RAB17: variants seen among roughly 807,000 people sequenced by gnomAD.
The protein encoded by RAB17 is ras-related protein Rab-17.
A neutral mutation model predicts 19.3 loss-of-function variants in RAB17; 15 were observed. The observed-to-expected ratio is 0.78, with a 90% CI of 0.52 to 1.20. The LOEUF (loss-of-function observed/expected upper bound fraction) is 1.20. Ranked by LOEUF, RAB17 falls within the 50% of genes most tolerant of loss-of-function variation. RAB17 has a pLI of 0.00. For missense variants in RAB17, 262 were observed against 269.3 expected, an observed-to-expected ratio of 0.97 and a Z score of 0.19; for synonymous variants, 110 against 112.8, an observed-to-expected ratio of 0.97 and a Z score of 0.16.
At chr2:237,575,195 ACCAGCCACC>A in intron 5 of RAB17, 67 bp from the exon 6 acceptor site, 1 of 1,359,718 alleles carries the variant, frequency 7.4e-7, no homozygotes, top group South Asian at 1.3e-5. Flanking sequence ...AGCCCTGCAG[ACCAGCCACC>A]CCAGGACCCG....
Position 237,578,110 on chromosome 2 carries a change from T to C in RAB17, c.203A>G (p.Lys68Arg). 1 of 1,613,676 alleles carries C rather than the reference T, an allele frequency of 6.2e-7. No homozygotes were observed. The highest frequency in any genetic ancestry group is 8.5e-7 in the Non-Finnish European group (1 of 1,179,620). Reference sequence around the variant, plus strand: ...GCCAGCTGTGTCCCAGATCTCAAGCTTCAGAGAGGTGGCACCCACATCCAC... The same window carrying C: ...GCCAGCTGTGTCCCAGATCTCAAGCCTCAGAGAGGTGGCACCCACATCCAC... Reference protein sequence around the residue: ...KVVDVGATSLKLEIWDTAGQE... With the variant: ...KVVDVGATSLRLEIWDTAGQE... The change falls in exon 3 of 6, where the codon AAG (lysine) becomes AGG (arginine). Residue 68 changes from lysine (K) to arginine (R), a missense_variant. Lys to Arg is a conservative substitution (Grantham distance 26, BLOSUM62 2). Coordinates refer to ENST00000264601, the MANE Select transcript of RAB17 (RefSeq NM_022449.4).
intron 2 of RAB17, among the ~76,000 whole-genome samples, chr2:237,582,097 G>A (rs972943176): frequency 2.7e-5 from 4 of 150,296 alleles, no homozygotes; most frequent in African/African-American, 7.3e-5. Flanking sequence ...CCCGTCCCTC[G>A]GACTCCCGTC....
chr2:237,584,791 T>G (rs2081335518), intron 2 of RAB17, among the ~76,000 whole-genome samples: 1 of 152,140 alleles, frequency 6.6e-6, no homozygotes, highest in African/African-American at 2.4e-5. Context: ...AGCCTTGGCA[T>G]TTTGATGTAT....
At chr2:237,578,911 A>T in intron 2 of RAB17, 1 of 123,368 alleles carries the variant, frequency 8.1e-6, no homozygotes, top group Non-Finnish European at 1.8e-5. Flanking sequence ...ACACACACAC[A>T]CACACACACA....
At position 237,588,880 on chromosome 2, in the gene RAB17, C is replaced by T. The variant is rs567229105; in HGVS notation, c.-4+1587G>A. On this transcript the variant is annotated intron_variant, in intron 1 of 5. Transcript: ENST00000264601. ...GAATGCACCATGACCACTGGGATGC[C>T]GGCGTCTCATTCCTTTGACAATGAT... 4.6e-5 allele frequency among the ~76,000 whole-genome samples: 7 copies of T among 152,274 alleles called. No homozygotes were observed. In the East Asian group the frequency reaches 5.8e-4, roughly 13 times the overall value.
intron 3 of RAB17, 115 bp downstream of exon 3, chr2:237,577,889 G>C: frequency 8.3e-7 from 1 of 1,209,486 alleles, no homozygotes; most frequent in African/African-American, 1.5e-5. Context: ...GGTGACTGTT[G>C]CTCACTAATG....
chr2:237,585,802 G>T (rs1192771110), intron 2 of RAB17, among the ~76,000 whole-genome samples, 196 bp downstream of exon 2: 1 of 152,190 alleles, frequency 6.6e-6, no homozygotes, highest in Admixed American at 6.5e-5. Flanking sequence ...AGAGCCAAGG[G>T]CATTTCCTGT....
In RAB17 at chr2:237,575,057, T is replaced by G. The variant is rs1460028707; in HGVS notation, c.601A>C (p.Lys201Gln). 12 of 1,613,688 alleles carry G rather than the reference T, an allele frequency of 7.4e-6. No individual in the cohort carries two copies. The highest frequency in any genetic ancestry group is 1.0e-5 in the Non-Finnish European group (12 of 1,179,832). Residue 201 changes from lysine to glutamine, a missense_variant, in exon 6 of 6, where the codon AAG becomes CAG. By Grantham distance (53) the Lys-to-Gln change is moderately conservative. Coordinates refer to ENST00000264601, the MANE Select transcript of RAB17 (RefSeq NM_022449.4). Reference sequence around the variant, plus strand: ...CATTTGGCCTGCCTCGCGGGCCCCTTGTTCAGAGCCACAGCTGCATCCCCC... The same window carrying G: ...CATTTGGCCTGCCTCGCGGGCCCCTGGTTCAGAGCCACAGCTGCATCCCCC... ...LRGDAAVALN[K>Q]GPARQAKCCA... is the part of the protein sequence containing the mutation.
intron 2 of RAB17, among the ~76,000 whole-genome samples, chr2:237,583,158 CA>C (rs2149186979): frequency 6.6e-6 from 1 of 152,096 alleles, no homozygotes; most frequent in East Asian, 1.9e-4. Context: ...CACACCATGG[CA>C]AAACCCTATC....
At chr2:237,575,858 C>G (rs1036723660) in intron 4 of RAB17, 3 of 208,920 alleles carry the variant, frequency 1.4e-5, no homozygotes, top group Non-Finnish European at 1.9e-5. Context: ...TGGACGGCAC[C>G]CACCTGGGCC....
intron 4 of RAB17, chr2:237,575,701 TGC>T: frequency 5.9e-6 from 3 of 512,474 alleles, no homozygotes; most frequent in South Asian, 5.7e-5. Context: ...GCTGGCGGGG[TGC>T]GGCCTTCCTC....
In RAB17 at chr2:237,581,233, G is replaced by C. The variant is rs560441717; in HGVS notation, c.158-3078C>G. Among the ~76,000 whole-genome samples the C allele has an allele frequency of 5.3e-5, 8 of 151,808 alleles. No homozygotes were observed. The South Asian group carries it at 1.7e-3, about 32-fold the overall frequency. ...CTACAAAAAACACAAAAATTAGCTG[G>C]GTGTGGTGGCGCACACCTGTGGTCC... On this transcript the variant is annotated intron_variant, in intron 2 of 5. Coordinates refer to ENST00000264601, the MANE Select transcript of RAB17 (RefSeq NM_022449.4).
At chr2:237,576,688 G>A (rs149153125) in intron 4 of RAB17, 43 of 471,220 alleles carry the variant, frequency 9.1e-5, no homozygotes, top group Admixed American at 3.3e-4. Context: ...CACGGTCTTC[G>A]TCCTAAATGT....
chr2:237,577,335 C>G lies in RAB17; in HGVS notation c.357G>C (p.Glu119Asp). The G allele has an allele frequency of 6.2e-7, 1 of 1,613,856 alleles. No individual in the cohort carries two copies. Among genetic ancestry groups the G allele is most frequent in the Non-Finnish European group, 8.5e-7 (1 of 1,179,808 alleles). ...AQQWLKDLEE[E>D]LHPGEVLVML... The stretch of plus-strand genomic sequence containing the variant: ...TCACCAGGACTTCTCCTGGGTGCAG[C>G]TCCTCCTCCAGGTCCTTCAGCCACT... Residue 119 changes from glutamate (E) to aspartate (D), a missense_variant, in exon 4 of 6, where the codon GAG becomes GAC. Coordinates refer to ENST00000264601, the MANE Select transcript of RAB17 (RefSeq NM_022449.4).
In RAB17 at chr2:237,583,237, C is replaced by A. The variant is rs537121275; in HGVS notation, c.157+2761G>T. ...CCTGTGATAGCAGCTACTCTGGAGG[C>A]TAAGGTGGGAGGATGGCTTGAGCCC... On this transcript the variant is annotated intron_variant, in intron 2 of 5. Transcript: ENST00000264601. Among the ~76,000 whole-genome samples the A allele has an allele frequency of 1.4e-4, 21 of 152,294 alleles. No individual in the cohort carries two copies. The South Asian group carries it at 3.9e-3, about 29-fold the overall frequency.
chr2:237,586,915 T>C (rs569358931), intron 1 of RAB17, among the ~76,000 whole-genome samples: 151 of 151,588 alleles, frequency 1.0e-3, no homozygotes, highest in Non-Finnish European at 1.8e-3. Context: ...AGGCATTCTA[T>C]CATCTGCAAA....
At chr2:237,582,445 C>A (rs1218139127) in intron 2 of RAB17, among the ~76,000 whole-genome samples, 1 of 152,256 alleles carries the variant, frequency 6.6e-6, no homozygotes, top group African/African-American at 2.4e-5. Flanking sequence ...GGTGTTTACA[C>A]TCCCGTTTCA....
rs754207253 is a variant in RAB17 at position 237,577,354 on chromosome 2, A to G, written c.338T>C (p.Leu113Pro). The G allele has an allele frequency of 1.2e-6, 2 of 1,613,342 alleles. No individual in the cohort carries two copies. Among genetic ancestry groups the G allele is most frequent in the East Asian group, 4.5e-5 (2 of 44,860 alleles). The change falls in exon 4 of 6, where the codon CTG becomes CCG. Residue 113 changes from leucine to proline, a missense_variant. Leu to Pro is a moderately conservative substitution (Grantham distance 98). Transcript: ENST00000264601. ...KDSFLKAQQW[L>P]KDLEEELHPG... ...GTGCAGCTCCTCCTCCAGGTCCTTCAGCCACTGCTGAGCCTTGAGGAAGGA... is the reference window on the plus strand; with the variant it reads ...GTGCAGCTCCTCCTCCAGGTCCTTCGGCCACTGCTGAGCCTTGAGGAAGGA...
rs1459171951 is a variant in RAB17 at position 237,574,999 on chromosome 2, GC to G, written c.*19del. ...CCAGGCAGGGGGTGTCTTCCCCACAGCCCCCAGGAGTGGCTGCACCTAGTGG... is the reference window on the plus strand; with the variant it reads ...CCAGGCAGGGGGTGTCTTCCCCACAGCCCCAGGAGTGGCTGCACCTAGTGG... On this transcript the variant is annotated 3_prime_UTR_variant, in exon 6 of 6. Transcript: ENST00000264601. The G allele has an allele frequency of 6.4e-7, 1 of 1,557,024 alleles. No individual in the cohort carries two copies. The highest frequency in any genetic ancestry group is 2.3e-5 in the East Asian group (1 of 44,182).
Sources: allele counts gnomAD v4.1 joint callset (sites outside exome capture counted in the v4.1 genomes callset), GRCh38; gene constraint gnomAD v4.1.1; transcripts MANE v1.5; gene names NCBI Gene and HGNC (gene_info 2026-07-23, HGNC 2026-07-21).